Variants in FBXW10B observed in about 807,000 individuals in gnomAD.
FBXW10B encodes F-box and WD repeat domain containing protein 10B.
At chr17:15,599,500 G>T in the FBXW10B span, among the ~76,000 whole-genome samples, 1 of 135,030 alleles carries the variant, frequency 7.4e-6, no homozygotes, top group Admixed American at 7.8e-5. Context: ...TGTACAAAAT[G>T]CTTGATCAGT....
chr17:15,575,853 G>A, the FBXW10B span, among the ~76,000 whole-genome samples: 1 of 152,106 alleles, frequency 6.6e-6, no homozygotes, highest in African/African-American at 2.4e-5. Context: ...CAGCTTCCAC[G>A]GGACTTTACG....
chr17:15,581,392 A>G, the FBXW10B span, among the ~76,000 whole-genome samples: 1 of 152,226 alleles, frequency 6.6e-6, no homozygotes, highest in African/African-American at 2.4e-5. Flanking sequence ...AACAACTATC[A>G]AGACTTTTAC....
At chr17:15,578,479 G>A in the FBXW10B span, among the ~76,000 whole-genome samples, 1 of 152,050 alleles carries the variant, frequency 6.6e-6, no homozygotes, top group Non-Finnish European at 1.5e-5. Flanking sequence ...TGGTGCAGGT[G>A]AACAAAGCTA....
At chr17:15,593,430 C>T in the FBXW10B span, 11 of 1,613,966 alleles carry the variant, frequency 6.8e-6, no homozygotes, top group Admixed American at 1.7e-5. Flanking sequence ...ATTGTAAATT[C>T]GGATCTTGCC....
the FBXW10B span, among the ~76,000 whole-genome samples, chr17:15,576,074 T>C: frequency 1.7e-4 from 26 of 152,328 alleles, no homozygotes; most frequent in African/African-American, 6.0e-4. Context: ...TTTCTGTTCA[T>C]GTTCTCCTTG....
chr17:15,602,004 C>T, the FBXW10B span, among the ~76,000 whole-genome samples: 3 of 151,254 alleles, frequency 2.0e-5, no homozygotes. Context: ...CCCAGCTACT[C>T]GGGAGGCTGA....
the FBXW10B span, among the ~76,000 whole-genome samples, chr17:15,594,274 C>T: frequency 6.6e-6 from 1 of 151,894 alleles, no homozygotes; most frequent in Non-Finnish European, 1.5e-5. Context: ...AGATTAAAAC[C>T]ATCCTGGCTA....
At chr17:15,584,215 G>T in the FBXW10B span, among the ~76,000 whole-genome samples, 2 of 152,216 alleles carry the variant, frequency 1.3e-5, no homozygotes, top group African/African-American at 4.8e-5. Context: ...CTGAAAAAAA[G>T]TATATTGGTT....
chr17:15,589,695 A>C, the FBXW10B span, among the ~76,000 whole-genome samples: 1 of 152,088 alleles, frequency 6.6e-6, no homozygotes, highest in Non-Finnish European at 1.5e-5. Flanking sequence ...CAGTCTAATT[A>C]GTCAAGTAAT....
the FBXW10B span, among the ~76,000 whole-genome samples, chr17:15,615,227 T>G: frequency 2.7e-5 from 4 of 150,708 alleles, no homozygotes; most frequent in African/African-American, 9.9e-5. Context: ...GAATGTGAGT[T>G]CCTCAAATCT....
the FBXW10B span, among the ~76,000 whole-genome samples, chr17:15,615,034 C>A: frequency 6.6e-6 from 1 of 152,148 alleles, no homozygotes; most frequent in Non-Finnish European, 1.5e-5. Flanking sequence ...CAAAGGAAAT[C>A]ATTGATAGTT....
chr17:15,596,637 G>A, the FBXW10B span: 20 of 1,613,360 alleles, frequency 1.2e-5, no homozygotes, highest in African/African-American at 2.3e-4. Context: ...ACGTCTTCAG[G>A]CACTTCCCTG....
At chr17:15,610,703 A>T in the FBXW10B span, among the ~76,000 whole-genome samples, 1 of 152,224 alleles carries the variant, frequency 6.6e-6, no homozygotes, top group African/African-American at 2.4e-5. Context: ...GTGTTTGTCC[A>T]AGATGACAGT....
the FBXW10B span, among the ~76,000 whole-genome samples, chr17:15,609,781 A>G: frequency 6.9e-6 from 1 of 145,604 alleles, no homozygotes; most frequent in Admixed American, 6.8e-5. Context: ...TAGTCTTGCT[A>G]TTTCATGTGT....
the FBXW10B span, among the ~76,000 whole-genome samples, chr17:15,582,277 A>T: frequency 1.3e-5 from 2 of 149,686 alleles, no homozygotes; most frequent in African/African-American, 4.9e-5. Flanking sequence ...GATCTCTGAG[A>T]TTTAGCTCTG....
the FBXW10B span, chr17:15,598,441 G>A: frequency 6.2e-7 from 1 of 1,607,156 alleles, no homozygotes; most frequent in Non-Finnish European, 8.5e-7. Flanking sequence ...ATAAATGAGT[G>A]CCTGCCTATA....
the FBXW10B span, among the ~76,000 whole-genome samples, chr17:15,577,964 G>T: frequency 6.7e-6 from 1 of 150,346 alleles, no homozygotes; most frequent in Admixed American, 6.6e-5. Context: ...ACCATGTGGA[G>T]GGGCTCAGGA....
the FBXW10B span, among the ~76,000 whole-genome samples, chr17:15,594,289 C>T: frequency 2.0e-5 from 3 of 151,514 alleles, no homozygotes; most frequent in South Asian, 2.1e-4. Context: ...TGGCTAACAC[C>T]GTGAAACCCC....
chr17:15,618,446 G>C, the FBXW10B span, among the ~76,000 whole-genome samples: 1 of 151,942 alleles, frequency 6.6e-6, no homozygotes, highest in African/African-American at 2.4e-5. Context: ...AGCCACAGCT[G>C]GAGAACTACC....
Sources: gnomAD v4.1 joint callset for allele counts (sites outside exome capture counted in the v4.1 genomes callset) on GRCh38, gnomAD v4.1.1 for gene constraint, MANE v1.5 for transcripts, NCBI Gene and HGNC (gene_info 2026-07-23, HGNC 2026-07-21) for gene names.